PFKP: variants seen among roughly 807,000 people sequenced by gnomAD.
PFKP encodes the protein phosphofructokinase, platelet, also known as ATP-dependent 6-phosphofructokinase, platelet type.
A neutral mutation model predicts 94.3 loss-of-function variants in PFKP; 101 were observed. The ratio of observed to expected loss-of-function variants is 1.07; its 90% CI spans 0.91 to 1.26. PFKP has a LOEUF of 1.26. Among genes scored for constraint, PFKP ranks in the 50% most tolerant of loss-of-function variants. The pLI, the probability that PFKP is intolerant of heterozygous loss-of-function variation, is 0.00. For missense variants in PFKP, 1,145 were observed against 1,103.3 expected, an observed-to-expected ratio of 1.04 and a Z score of -0.53; for synonymous variants, 573 against 432.6, an observed-to-expected ratio of 1.32 and a Z score of -4.03.
rs538549228 is a variant in PFKP at position 3,108,614 on chromosome 10, C to A, written c.871-87C>A. ...TAGATCTGAAGAAAGAGCGAAAAAC[C>A]TTTTCCAGTGCCCAGTACCTCCTTC... On this transcript the variant is annotated intron_variant, in intron 8 of 21. Transcript: ENST00000381125. 1.8e-5 allele frequency: 18 copies of A among 978,994 alleles called. No individual in the cohort carries two copies. The African/African-American group carries it at 2.9e-4, about 16-fold the overall frequency. 60.6% of individuals were successfully genotyped at this position (978,994 alleles called of 1,614,324 possible).
chr10:3,109,263 C>G (rs758349710), intron 9 of PFKP, 92 bp from the exon 10 acceptor site: 93 of 1,541,676 alleles, frequency 6.0e-5, no homozygotes, highest in Non-Finnish European at 7.8e-5. Context: ...GAGCACCTGA[C>G]TGAGGTCATT....
rs768577819 is a variant in PFKP at position 3,119,964 on chromosome 10, G to A, written c.1603G>A (p.Val535Ile). Residue 535 changes from valine to isoleucine, a missense_variant, in exon 16 of 22, where the codon GTT (valine) becomes ATT (isoleucine). Val to Ile is a conservative substitution (Grantham distance 29, BLOSUM62 3). Coordinates refer to ENST00000381125, the MANE Select transcript of PFKP (RefSeq NM_002627.5). ...HEEFCVPMVM[V>I]PATVSNNVPG... The stretch of plus-strand genomic sequence containing the variant: ...GGAGTTCTGTGTCCCCATGGTCATG[G>A]TTCCCGCTACTGTGTCCAACAATGT... 6.2e-7 allele frequency: 1 copy of A among 1,614,134 alleles called. No homozygotes were observed. The highest frequency in any genetic ancestry group is 1.1e-5 in the South Asian group (1 of 91,074).
At chr10:3,071,697 A>C (rs1045368475) in intron 1 of PFKP, among the ~76,000 whole-genome samples, 5 of 152,174 alleles carry the variant, frequency 3.3e-5, no homozygotes, top group African/African-American at 1.2e-4. Flanking sequence ...GTCCAGGTGC[A>C]TCCTTAGGGT....
intron 2 of PFKP, among the ~76,000 whole-genome samples, chr10:3,090,195 C>T (rs774594823): frequency 6.6e-6 from 1 of 152,128 alleles, no homozygotes; most frequent in Non-Finnish European, 1.5e-5. Context: ...ATTTTTAAGC[C>T]ATTAGAAAAC....
chr10:3,125,265 T>C (rs1240530207), intron 16 of PFKP: 1 of 1,283,988 alleles, frequency 7.8e-7, no homozygotes, highest in Non-Finnish European at 1.0e-6. Flanking sequence ...AGAACCCCGT[T>C]TCCTCTCATT....
At chr10:3,071,015 A>G (rs1415137202) in intron 1 of PFKP, among the ~76,000 whole-genome samples, 1 of 151,948 alleles carries the variant, frequency 6.6e-6, no homozygotes, top group Non-Finnish European at 1.5e-5. Context: ...CCTCCCAAAG[A>G]GCTGGGACTA....
chr10:3,124,592 T>C (rs910326630), intron 16 of PFKP, among the ~76,000 whole-genome samples: 1 of 152,150 alleles, frequency 6.6e-6, no homozygotes, highest in Admixed American at 6.5e-5. Flanking sequence ...TCCAGCTGCA[T>C]GCCCCCTTCC....
At chr10:3,101,089 C>A in intron 3 of PFKP, 1 of 1,104,544 alleles carries the variant, frequency 9.1e-7, no homozygotes, top group Non-Finnish European at 1.4e-6. Flanking sequence ...CAGGCTGGTT[C>A]CTGCTCCATG....
At chr10:3,083,747 ATTC>A (rs1833266487) in intron 2 of PFKP, among the ~76,000 whole-genome samples, 1 of 152,136 alleles carries the variant, frequency 6.6e-6, no homozygotes, top group Non-Finnish European at 1.5e-5. Flanking sequence ...GATTCAAATG[ATTC>A]TCCTGCATCT....
At chr10:3,074,265 G>A (rs1832415758) in intron 1 of PFKP, among the ~76,000 whole-genome samples, 1 of 152,240 alleles carries the variant, frequency 6.6e-6, no homozygotes, top group African/African-American at 2.4e-5. Context: ...TGAGGTGCGG[G>A]TACGACGTGC....
rs564130278 is a variant in PFKP at position 3,111,809 on chromosome 10, C to T, written c.1090-413C>T. Among the ~76,000 whole-genome samples the T allele has an allele frequency of 2.6e-5, 4 of 152,278 alleles. No individual in the cohort carries two copies. In the East Asian group the frequency reaches 7.8e-4, roughly 30 times the overall value. On this transcript the variant is annotated intron_variant, in intron 10 of 21. Coordinates refer to ENST00000381125, the MANE Select transcript of PFKP (RefSeq NM_002627.5). ...TGACCTCGCTCCCATCCCACATCCC[C>T]CAGTGAGCTGGTGTGTTCTGTTTTG...
chr10:3,125,741 T>A (rs1218904625), intron 16 of PFKP, among the ~76,000 whole-genome samples: 1 of 152,234 alleles, frequency 6.6e-6, no homozygotes, highest in African/African-American at 2.4e-5. Context: ...CACCAACATG[T>A]GCCTTGGGAG....
intron 17 of PFKP, among the ~76,000 whole-genome samples, 159 bp from the exon 18 acceptor site, chr10:3,132,221 C>G (rs533328609): frequency 1.3e-5 from 2 of 152,324 alleles, no homozygotes; most frequent in South Asian, 4.1e-4. Context: ...TCCTCCCTAT[C>G]TGGGAGGAGG....
intron 16 of PFKP, among the ~76,000 whole-genome samples, chr10:3,122,605 G>A (rs1401279524): frequency 1.3e-5 from 2 of 152,204 alleles, no homozygotes; most frequent in African/African-American, 2.4e-5. Flanking sequence ...GGGTCCCCCC[G>A]GCCACTGTCC....
At chr10:3,132,358 T>C in intron 17 of PFKP, 22 bp from the exon 18 acceptor site, 11 of 1,578,830 alleles carry the variant, frequency 7.0e-6, no homozygotes, top group Non-Finnish European at 9.6e-6. Flanking sequence ...TATTGTCTGA[T>C]TAACAAAATA....
At chr10:3,098,451 G>T (rs183819968) in intron 2 of PFKP, among the ~76,000 whole-genome samples, 1 of 151,880 alleles carries the variant, frequency 6.6e-6, no homozygotes, top group African/African-American at 2.4e-5. Context: ...TGAGGCAGGC[G>T]GATCATGAGG....
intron 16 of PFKP, among the ~76,000 whole-genome samples, chr10:3,128,016 A>C (rs1444787311): frequency 7.1e-6 from 1 of 141,718 alleles, no homozygotes; most frequent in Non-Finnish European, 1.6e-5. Flanking sequence ...TCTCAAGTCC[A>C]CACCCCCACT....
At chr10:3,119,519 C>G (rs1473485996) in intron 15 of PFKP, among the ~76,000 whole-genome samples, 1 of 152,094 alleles carries the variant, frequency 6.6e-6, no homozygotes, top group African/African-American at 2.4e-5. Flanking sequence ...GCAGGAGAAT[C>G]GCTTGAACCC....
Position 3,119,910 on chromosome 10 carries a change from G to C in PFKP, c.1549G>C (p.Glu517Gln). 1 of 1,614,126 alleles carries C rather than the reference G, an allele frequency of 6.2e-7. No homozygotes were observed. Among genetic ancestry groups the C allele is most frequent in the Admixed American group, 1.7e-5 (1 of 60,024 alleles). The change falls in exon 16 of 22, where the codon GAG becomes CAG. Residue 517 changes from glutamate to glutamine, a missense_variant. Transcript: ENST00000381125. ...GGFEAYLGLL[E>Q]LSAAREKHEE... Reference sequence around the variant, plus strand: ...CTGACAGGCCTACCTGGGACTCCTGGAGCTGTCAGCCGCCCGGGAGAAGCA... The same window carrying C: ...CTGACAGGCCTACCTGGGACTCCTGCAGCTGTCAGCCGCCCGGGAGAAGCA...
Sources: gnomAD v4.1 joint callset for allele counts (sites outside exome capture counted in the v4.1 genomes callset) on GRCh38, gnomAD v4.1.1 for gene constraint, MANE v1.5 for transcripts, NCBI Gene and HGNC (gene_info 2026-07-23, HGNC 2026-07-21) for gene names.